The following HACD1 variants were observed in gnomAD, a reference collection of about 807,000 sequenced individuals.
The protein encoded by HACD1 is very-long-chain (3R)-3-hydroxyacyl-CoA dehydratase 1.
HACD1 carries 41 observed loss-of-function variants against 32.0 expected under a neutral mutation model. That is an observed-to-expected ratio of 1.28 (90% CI 1.00 to 1.66). The LOEUF (loss-of-function observed/expected upper bound fraction) is 1.66. HACD1 is among the 40% of genes most tolerant of loss of function. The pLI is 0.00. For missense variants in HACD1, 396 were observed against 380.1 expected (o/e 1.04, Z -0.35); for synonymous variants, 142 against 139.0 (o/e 1.02, Z -0.15).
chr10:17,604,256 CG>C (rs1168549500), intron 1 of HACD1, among the ~76,000 whole-genome samples: 2 of 152,038 alleles, frequency 1.3e-5, no homozygotes, highest in Admixed American at 1.3e-4. Flanking sequence ...GAGGCCAAGA[CG>C]GGCGGATCAC....
chr10:17,617,004 C>A (rs1209052233), intron 1 of HACD1, 79 bp downstream of exon 1: 6 of 1,311,496 alleles, frequency 4.6e-6, no homozygotes, highest in Non-Finnish European at 5.8e-6. Context: ...CCTTACACCC[C>A]GGCCCGCGCC....
In HACD1 at chr10:17,617,284, C is replaced by T; in HGVS notation, c.56G>A (p.Trp19Ter). The change falls in exon 1 of 7, where the codon TGG (tryptophan) becomes TAG (stop). Residue 19 changes from tryptophan (W) to a stop codon, truncating the protein, a stop_gained. Transcript: ENST00000361271. LOFTEE classifies it high-confidence loss of function. ...CAGGAGCGTGGGAGGGGACCCTGCC[C>T]AGCCTGCAGCCCGAGAGCCGCTGCC... is the stretch of plus-strand genomic sequence containing the variant. ...AAGSGSRAAG[W>*]AGSPPTLLPL... is the part of the protein sequence containing the mutation. 6.8e-7 allele frequency: 1 copy of T among 1,462,132 alleles called. No homozygotes were observed. The allele number at this position is 1,462,132 out of a possible 1,614,324, so 90.6% of individuals were successfully genotyped here.
chr10:17,613,868 A>T (rs953150643), intron 1 of HACD1, among the ~76,000 whole-genome samples: 30 of 152,108 alleles, frequency 2.0e-4, no homozygotes, highest in Admixed American at 2.0e-3. Flanking sequence ...GCACAGAAGC[A>T]GAGCGCTGTG....
intron 1 of HACD1, among the ~76,000 whole-genome samples, chr10:17,605,891 T>A (rs1221658171): frequency 2.6e-5 from 4 of 151,298 alleles, no homozygotes; most frequent in Admixed American, 2.0e-4. Flanking sequence ...GAGGCGGAGG[T>A]TGCAGTGAGC....
rs1239042221 is a variant in HACD1 at position 17,599,482 on chromosome 10, C to T, written c.484-71G>A. ...CTTTTCAGTGAAGGTACTTACTTTA[C>T]TTATTTATTGCCTTTTATTTATAAT... is the stretch of plus-strand genomic sequence containing the variant. On this transcript the variant is annotated intron_variant, in intron 4 of 6. Coordinates refer to ENST00000361271, the MANE Select transcript of HACD1 (RefSeq NM_014241.4). 9.2e-6 allele frequency: 14 copies of T among 1,522,126 alleles called. No homozygotes were observed. In the South Asian group the frequency reaches 1.8e-4, roughly 19 times the overall value. The allele number at this position is 1,522,126 out of a possible 1,614,324, so 94.3% of individuals were successfully genotyped here. A position where few individuals can be genotyped will look rare whatever the true frequency, so the allele number is the denominator to read the frequency against.
Position 17,590,222 on chromosome 10 carries a change from G to A in HACD1, c.*142C>T. The A allele has an allele frequency of 1.8e-6, 1 of 546,094 alleles. No individual in the cohort carries two copies. The allele number at this position is 546,094 out of a possible 1,614,324, so 33.8% of individuals were successfully genotyped here. ...TGGCACAAGAGGAACACAAATACTGGCAAATACCACGTGTCTCAAGTTATA... is the reference window on the plus strand; with the variant it reads ...TGGCACAAGAGGAACACAAATACTGACAAATACCACGTGTCTCAAGTTATA... On this transcript the variant is annotated 3_prime_UTR_variant, in exon 7 of 7. Transcript: ENST00000361271.
chr10:17,599,497 T>G, intron 4 of HACD1, 86 bp from the exon 5 acceptor site: 1 of 1,474,594 alleles, frequency 6.8e-7, no homozygotes, highest in Non-Finnish European at 9.0e-7. Flanking sequence ...TTATTGCCTT[T>G]TATTTATAAT....
At chr10:17,609,741 G>A (rs1257405989) in intron 1 of HACD1, among the ~76,000 whole-genome samples, 1 of 152,046 alleles carries the variant, frequency 6.6e-6, no homozygotes, top group Non-Finnish European at 1.5e-5. Context: ...TACGCTTTGG[G>A]AGGCCAAGGC....
At chr10:17,601,433 T>C (rs1554816510) in intron 4 of HACD1, among the ~76,000 whole-genome samples, 1 of 152,150 alleles carries the variant, frequency 6.6e-6, no homozygotes, top group Non-Finnish European at 1.5e-5. Context: ...GCTGAATAGG[T>C]ACCAGTGGGA....
chr10:17,591,976 A>ATTTTTTT (rs71393019), intron 6 of HACD1, among the ~76,000 whole-genome samples: 1,312 of 96,880 alleles, frequency 0.014, 128 homozygotes, highest in East Asian at 0.049. Context: ...CCAGCTACTG[A>ATTTTTTT]TTTTTTTTTT....
At chr10:17,605,989 C>A (rs1449631245) in intron 1 of HACD1, among the ~76,000 whole-genome samples, 12 of 150,676 alleles carry the variant, frequency 8.0e-5, no homozygotes, top group Non-Finnish European at 1.5e-4. Flanking sequence ...ACAGCCTGGG[C>A]AACATGGCAA....
At chr10:17,616,249 G>C (rs75949427) in intron 1 of HACD1, among the ~76,000 whole-genome samples, 16,661 of 139,126 alleles carry the variant, frequency 0.12, 989 homozygotes, top group East Asian at 0.25. Context: ...AGCCAAGACC[G>C]AGCGAGACTC....
chr10:17,590,670 G>C (rs1833917357), intron 6 of HACD1, among the ~76,000 whole-genome samples: 1 of 152,028 alleles, frequency 6.6e-6, no homozygotes, highest in African/African-American at 2.4e-5. Context: ...TTTTACTTTT[G>C]CTTATTTATT....
At chr10:17,607,740 CTG>C (rs1485863109) in intron 1 of HACD1, among the ~76,000 whole-genome samples, 1 of 152,108 alleles carries the variant, frequency 6.6e-6, no homozygotes, top group African/African-American at 2.4e-5. Flanking sequence ...ACTCACTAAA[CTG>C]TGGGAAATAA....
At chr10:17,605,195 G>A (rs933600791) in intron 1 of HACD1, among the ~76,000 whole-genome samples, 5 of 152,032 alleles carry the variant, frequency 3.3e-5, no homozygotes, top group Non-Finnish European at 5.9e-5. Context: ...ACACAAAAAT[G>A]TGAATGTACT....
At chr10:17,615,765 G>T (rs781817483) in intron 1 of HACD1, 15 of 396,790 alleles carry the variant, frequency 3.8e-5, no homozygotes, top group African/African-American at 3.1e-4. Context: ...TCAGGAGTTC[G>T]AGACCACCCT....
rs782133625 is a variant in HACD1, at chr10:17,617,214, G to A, written c.126C>T (p.Ser42=). 3 of 1,494,558 alleles carry A rather than the reference G, an allele frequency of 2.0e-6. No individual in the cohort carries two copies. Among genetic ancestry groups the A allele is most frequent in the South Asian group, 1.2e-5 (1 of 80,302 alleles). 92.6% of individuals were successfully genotyped at this position (1,494,558 alleles called of 1,614,324 possible). A position where few individuals can be genotyped will look rare whatever the true frequency, so the allele number is the denominator to read the frequency against. Residue 42 remains serine (S), a synonymous_variant, in exon 1 of 7, where the codon TCC becomes TCT. Coordinates refer to ENST00000361271, the MANE Select transcript of HACD1 (RefSeq NM_014241.4). ...TSPRCAATMA[S]SDEDGTNGGA... is the part of the protein sequence containing the mutation. ...CGCCGTTGGTGCCGTCCTCGTCGCT[G>A]GACGCCATGGTGGCCGCGCACCTGG...
At chr10:17,603,451 T>G (rs782491400) in intron 4 of HACD1, 109 bp downstream of exon 4, 1 of 1,042,322 alleles carries the variant, frequency 9.6e-7, no homozygotes, top group Non-Finnish European at 1.4e-6. Context: ...CAACTCCTTT[T>G]TGTCCAACAC....
At chr10:17,595,698 T>C (rs1833986851) in intron 5 of HACD1, among the ~76,000 whole-genome samples, 1 of 152,006 alleles carries the variant, frequency 6.6e-6, no homozygotes, top group Non-Finnish European at 1.5e-5. Flanking sequence ...AAGATGATCA[T>C]ATTTCTTCAT....
Sources: gnomAD v4.1 joint callset for allele counts (sites outside exome capture counted in the v4.1 genomes callset) on GRCh38, gnomAD v4.1.1 for gene constraint, MANE v1.5 for transcripts, NCBI Gene and HGNC (gene_info 2026-07-23, HGNC 2026-07-21) for gene names.